CDH16: variants seen among roughly 807,000 people sequenced by gnomAD.
CDH16 encodes cadherin-16.
In CDH16, 79 loss-of-function variants were observed where a neutral mutation model predicts 87.6. That is an observed-to-expected ratio of 0.90 (90% confidence interval 0.75 to 1.09). CDH16 has a LOEUF of 1.09. Among genes scored for constraint, CDH16 ranks in the 50% least tolerant of loss-of-function variants. The pLI is 0.00. For missense variants in CDH16, 1,124 were observed against 1,071.7 expected, an observed-to-expected ratio of 1.05 and a Z score of -0.68; for synonymous variants, 457 against 439.5, an observed-to-expected ratio of 1.04 and a Z score of -0.50.
At chr16:66,911,418 T>A in intron 13 of CDH16, 103 bp from the exon 14 acceptor site, 1 of 1,226,006 alleles carries the variant, frequency 8.2e-7, no homozygotes, top group South Asian at 1.5e-5. Flanking sequence ...ACACCCTCTC[T>A]GTGACTCAGG....
Position 66,916,341 on chromosome 16 carries a change from G to A in CDH16, c.218C>T (p.Pro73Leu), listed in dbSNP as rs529082297. ...GGTCACCAGCAGGAAGCCAGAATCTGGATCCATAGCAAATGGGCCCTCAGT... is the reference window on the plus strand; with the variant it reads ...GGTCACCAGCAGGAAGCCAGAATCTAGATCCATAGCAAATGGGCCCTCAGT... ...KATEGPFAMD[P>L]DSGFLLVTRA... Residue 73 changes from proline to leucine, a missense_variant, in exon 4 of 18, where the codon CCA becomes CTA. Physicochemically the swap from Pro to Leu is moderately conservative, Grantham distance 98. Transcript: ENST00000299752. This position sits in a 1 kb window ranked among gnomAD's most constrained non-coding sequence, Gnocchi z 4.1. 2 of 1,614,154 alleles carry A rather than the reference G, an allele frequency of 1.2e-6. No individual in the cohort carries two copies. Among genetic ancestry groups the A allele is most frequent in the East Asian group, 2.2e-5 (1 of 44,884 alleles).
chr16:66,918,321 T>G (rs1322530050), intron 1 of CDH16, among the ~76,000 whole-genome samples: 1 of 152,132 alleles, frequency 6.6e-6, no homozygotes, highest in African/African-American at 2.4e-5. Context: ...GAATTTCACC[T>G]CCAGACCTCC....
rs779936050 is a variant in CDH16 at position 66,913,283 on chromosome 16, T to C, written c.904-2A>G. 4 of 1,550,500 alleles carry C rather than the reference T, an allele frequency of 2.6e-6. No individual in the cohort carries two copies. The highest frequency in any genetic ancestry group is 3.5e-6 in the Non-Finnish European group (4 of 1,147,406). ...CTGAGCCCGCACCTGGAGCAGGTAC[T>C]GCGGTGGGCAGTAGGGGGCTTCAGG... On this transcript the variant is annotated splice_acceptor_variant, in intron 8 of 17. Transcript: ENST00000299752. LOFTEE classifies it high-confidence loss of function.
Position 66,916,545 on chromosome 16 carries a change from C to T in CDH16, c.130-116G>A. On this transcript the variant is annotated intron_variant, in intron 3 of 17. Transcript: ENST00000299752. The surrounding 1 kb of genome is among the most constrained non-coding windows in gnomAD (Gnocchi z 4.1). ...AACTGAGTCTCAGAGACATCTGGCT[C>T]CTGTCAGAGGTCACACAGCCAGTAA... 4 of 1,205,052 alleles carry T rather than the reference C, an allele frequency of 3.3e-6. No individual in the cohort carries two copies. The highest frequency in any genetic ancestry group is 2.5e-5 in the East Asian group (1 of 39,224). The allele number at this position is 1,205,052 out of a possible 1,614,324, so 74.6% of individuals were successfully genotyped here.
Position 66,916,484 on chromosome 16 carries a change from C to T in CDH16, c.130-55G>A, listed in dbSNP as rs1962692313. 1 of 1,510,978 alleles carries T rather than the reference C, an allele frequency of 6.6e-7. No individual in the cohort carries two copies. Among genetic ancestry groups the T allele is most frequent in the South Asian group, 1.3e-5 (1 of 75,854 alleles). 93.6% of individuals were successfully genotyped at this position (1,510,978 alleles called of 1,614,324 possible). On this transcript the variant is annotated intron_variant, in intron 3 of 17. Transcript: ENST00000299752. The surrounding 1 kb of genome is among the most constrained non-coding windows in gnomAD (Gnocchi z 4.1). ...CGGTGGCCAGGCCTGGGAGATGCCCCTCCTCCACCTGATGGCCTCATTTTA... is the reference window on the plus strand; with the variant it reads ...CGGTGGCCAGGCCTGGGAGATGCCCTTCCTCCACCTGATGGCCTCATTTTA...
rs750121897 is a variant in CDH16 at position 66,918,045 on chromosome 16, C to T, written c.21G>A (p.Trp7Ter). The change falls in exon 2 of 18, where the codon TGG becomes TGA. Residue 7 changes from tryptophan to a stop codon, truncating the protein, a stop_gained. Coordinates refer to ENST00000299752, the MANE Select transcript of CDH16 (RefSeq NM_004062.4). LOFTEE classifies it high-confidence loss of function. The part of the protein sequence containing the change: MVPAWL[W>*]LLCVSVPQAL... ...CCTGGGGGACGGAGACACAAAGCAGCCACAGCCAGGCAGGGACCATGGTCA... is the reference window on the plus strand; with the variant it reads ...CCTGGGGGACGGAGACACAAAGCAGTCACAGCCAGGCAGGGACCATGGTCA... The T allele has an allele frequency of 1.5e-5, 24 of 1,585,998 alleles. No homozygotes were observed. Among genetic ancestry groups the T allele is most frequent in the Non-Finnish European group, 2.1e-5 (24 of 1,165,996 alleles).
chr16:66,911,866 C>A, intron 13 of CDH16, 33 bp downstream of exon 13: 1 of 1,555,344 alleles, frequency 6.4e-7, no homozygotes, highest in Non-Finnish European at 8.7e-7. Flanking sequence ...AGGGGCAATC[C>A]AGTCCAGGTA....
chr16:66,912,109 T>C lies in CDH16; in HGVS notation c.1580A>G (p.Glu527Gly), dbSNP rs748892257. 3 of 1,613,700 alleles carry C rather than the reference T, an allele frequency of 1.9e-6. No homozygotes were observed. The highest frequency in any genetic ancestry group is 2.5e-6 in the Non-Finnish European group (3 of 1,179,836). ...CACACTCTGCACCACCACCACCACCTCATGACTTGGAGCTGCCTCATAACT... is the reference window on the plus strand; with the variant it reads ...CACACTCTGCACCACCACCACCACCCCATGACTTGGAGCTGCCTCATAACT... ...NLSYEAAPSH[E>G]VVVVVQSVAK... Residue 527 changes from glutamate to glycine, a missense_variant, in exon 13 of 18, where the codon GAG becomes GGG. Glu to Gly is a moderately conservative substitution (Grantham distance 98). Coordinates refer to ENST00000299752, the MANE Select transcript of CDH16 (RefSeq NM_004062.4).
chr16:66,910,264 G>C lies in CDH16; in HGVS notation c.2163C>G (p.Leu721=), dbSNP rs1962348828. Residue 721 remains leucine (L), a synonymous_variant, in exon 15 of 18, where the codon CTC becomes CTG. Coordinates refer to ENST00000299752, the MANE Select transcript of CDH16 (RefSeq NM_004062.4). ...CTCCCTTTCCCCACCACACACCATT[G>C]AGAGTCTGGAGGCGCCAATCCCGTT... ...TVQRDWRLQT[L]NGSHAYLTLA... The C allele has an allele frequency of 6.3e-7, 1 of 1,596,774 alleles. No individual in the cohort carries two copies. Among genetic ancestry groups the C allele is most frequent in the African/African-American group, 1.3e-5 (1 of 74,702 alleles).
chr16:66,915,320 C>T lies in CDH16; in HGVS notation c.483G>A (p.Ser161=), dbSNP rs750053148. 9 of 1,613,696 alleles carry T rather than the reference C, an allele frequency of 5.6e-6. No homozygotes were observed. Among genetic ancestry groups the T allele is most frequent in the Admixed American group, 3.3e-5 (2 of 59,980 alleles). ...GGCTCAGGATGTGGAATCGAAGATC[C>T]GAGTTGGCTGTGCCTGGCTCATCCC... ...SDRDEPGTAN[S]DLRFHILSQA... The change falls in exon 6 of 18, where the codon TCG becomes TCA. Residue 161 remains serine, a synonymous_variant. Coordinates refer to ENST00000299752, the MANE Select transcript of CDH16 (RefSeq NM_004062.4).
chr16:66,912,274 C>G lies in CDH16; in HGVS notation c.1516G>C (p.Asp506His), dbSNP rs370384670. ...AGTCTGAGTCTAACATGCCCAGAGT[C>G]TGGCTCCCAATCCAGGCCAAAAGTC... ...EGTFGLDWEP[D>H]SGHVRLRLCK... is the part of the protein sequence containing the mutation. Residue 506 changes from aspartate (D) to histidine (H), a missense_variant, in exon 12 of 18, where the codon GAC (aspartate) becomes CAC (histidine). By Grantham distance (81) the Asp-to-His change is moderately conservative. Transcript: ENST00000299752. 3 of 1,612,894 alleles carry G rather than the reference C, an allele frequency of 1.9e-6. No individual in the cohort carries two copies. The African/African-American group carries it at 4.0e-5, about 22-fold the overall frequency.
At chr16:66,908,793 T>C (rs1293796271) in intron 17 of CDH16, among the ~76,000 whole-genome samples, 1 of 152,076 alleles carries the variant, frequency 6.6e-6, no homozygotes, top group Non-Finnish European at 1.5e-5. Context: ...GAAAGGCTCA[T>C]CACAGCAGTG....
In CDH16 at chr16:66,918,006, C is replaced by A; in HGVS notation, c.45+15G>T. The A allele has an allele frequency of 1.3e-6, 2 of 1,568,664 alleles. No homozygotes were observed. The highest frequency in any genetic ancestry group is 1.7e-6 in the Non-Finnish European group (2 of 1,156,278). On this transcript the variant is annotated intron_variant, in intron 2 of 17. Transcript: ENST00000299752. ...AAGCCAAGACCTGAAGGAGAGGGGG[C>A]AGGGCCTAGCTCACCTGGGGGACGG... is the stretch of plus-strand genomic sequence containing the variant.
chr16:66,915,163 C>T (rs1338649754), intron 6 of CDH16, 57 bp downstream of exon 6: 2 of 1,499,896 alleles, frequency 1.3e-6, no homozygotes, highest in African/African-American at 1.4e-5. Context: ...GGTTCAGATA[C>T]CACCTTCTCC....
chr16:66,914,116 G>A (rs571199395), intron 7 of CDH16, 100 bp downstream of exon 7: 18 of 1,011,434 alleles, frequency 1.8e-5, no homozygotes, highest in Admixed American at 9.9e-5. Context: ...AGGAGCACGG[G>A]TCATGAGGGT....
intron 8 of CDH16, 85 bp downstream of exon 8, chr16:66,913,406 T>C (rs1460247081): frequency 6.3e-7 from 1 of 1,595,514 alleles, no homozygotes; most frequent in African/African-American, 1.3e-5. Context: ...CCTCAGCCTC[T>C]GTTGTAGTTG....
chr16:66,913,598 C>A lies in CDH16; in HGVS notation c.796G>T (p.Gly266Cys). ...HHMAQVHWSG[G>C]DVHYHLESHP... ...CTCTCCAGGTGATAGTGCACATCAC[C>A]CCCACTCCAGTGTACCTGGGGGGGA... is the stretch of plus-strand genomic sequence containing the variant. The change falls in exon 8 of 18, where the codon GGT (glycine) becomes TGT (cysteine). Residue 266 changes from glycine (G) to cysteine (C), a missense_variant. Gly to Cys is a radical substitution (Grantham distance 159). Coordinates refer to ENST00000299752, the MANE Select transcript of CDH16 (RefSeq NM_004062.4). 1 of 1,614,032 alleles carries A rather than the reference C, an allele frequency of 6.2e-7. No individual in the cohort carries two copies. Among genetic ancestry groups the A allele is most frequent in the Non-Finnish European group, 8.5e-7 (1 of 1,179,962 alleles).
At position 66,912,525 on chromosome 16, in the gene CDH16, G is replaced by A; in HGVS notation, c.1338C>T (p.Ala446=). The change falls in exon 11 of 18, where the codon GCC becomes GCT. Residue 446 remains alanine (A), a synonymous_variant. Coordinates refer to ENST00000299752, the MANE Select transcript of CDH16 (RefSeq NM_004062.4). ...EVAVTDINDH[A]PEFITSQIGP... ...TTACCTGGGAAGTGATGAACTCAGG[G>A]GCGTGATCATTGATATCTGTGACTG... 3 of 1,614,188 alleles carry A rather than the reference G, an allele frequency of 1.9e-6. No homozygotes were observed. The highest frequency in any genetic ancestry group is 1.7e-6 in the Non-Finnish European group (2 of 1,180,028).
chr16:66,917,629 C>T lies in CDH16; in HGVS notation c.129+13G>A, dbSNP rs761924773. On this transcript the variant is annotated intron_variant, in intron 3 of 17. Coordinates refer to ENST00000299752, the MANE Select transcript of CDH16 (RefSeq NM_004062.4). ...GGGATCCCCCCGGCCCCAACCCCAG[C>T]TCTCCGGCTCACCTTGGTCAGGTAT... 3.1e-6 allele frequency: 5 copies of T among 1,606,840 alleles called. No homozygotes were observed. The African/African-American group carries it at 5.3e-5, about 17-fold the overall frequency.
Sources: allele counts gnomAD v4.1 joint callset (sites outside exome capture counted in the v4.1 genomes callset), GRCh38; gene constraint gnomAD v4.1.1; non-coding constraint Gnocchi (gnomAD v3.1); transcripts MANE v1.5; gene names NCBI Gene and HGNC (gene_info 2026-07-23, HGNC 2026-07-21).